FMNL2: variants seen among roughly 807,000 people sequenced by gnomAD.
The protein encoded by FMNL2 is formin-like protein 2.
A neutral mutation model predicts 130.2 loss-of-function variants in FMNL2; 51 were observed. The observed-to-expected ratio is 0.39, with a 90% CI of 0.31 to 0.49. The LOEUF (loss-of-function observed/expected upper bound fraction) is 0.49, where lower values mean the gene tolerates loss of function less well. Ranked by LOEUF, FMNL2 falls within the 20% of genes least tolerant of loss-of-function variation. The pLI is 0.85. For missense variants in FMNL2, 977 were observed against 1,316.2 expected (o/e 0.74, Z 3.99); for synonymous variants, 465 against 467.1 (o/e 1.00, Z 0.06).
chr2:152,461,032 G>A (rs1388303831), intron 1 of FMNL2, among the ~76,000 whole-genome samples: 1 of 152,110 alleles, frequency 6.6e-6, no homozygotes, highest in Non-Finnish European at 1.5e-5. Context: ...CCACGAAACC[G>A]GTCCCTGGTT....
At chr2:152,520,741 T>G (rs1349970129) in intron 1 of FMNL2, among the ~76,000 whole-genome samples, 1 of 152,218 alleles carries the variant, frequency 6.6e-6, no homozygotes, top group African/African-American at 2.4e-5. Context: ...TGGTTTAATT[T>G]ATCATAATCA....
In FMNL2 at chr2:152,483,949, A is replaced by G. The variant is rs79046897; in HGVS notation, c.118-37994A>G. Among the ~76,000 whole-genome samples, 1,140 of 152,330 alleles carry G rather than the reference A, an allele frequency of 7.5e-3. 9 individuals are homozygous for G. The highest frequency in any genetic ancestry group is 0.023 in the African/African-American group (939 of 41,572). ...CTAAGGAATGCAGTTTGCTTGAGCA[A>G]GACTCTTAAGATGTATTTGTATAGG... On this transcript the variant is annotated intron_variant, in intron 1 of 25. Transcript: ENST00000288670.
chr2:152,353,497 CTTTG>C (rs1682618839), intron 1 of FMNL2, among the ~76,000 whole-genome samples: 4 of 152,196 alleles, frequency 2.6e-5, no homozygotes, highest in African/African-American at 9.7e-5. Flanking sequence ...CCTATACTCA[CTTTG>C]TTAGAAAGCC....
chr2:152,375,871 C>CTATATATA (rs1296121653), intron 1 of FMNL2, among the ~76,000 whole-genome samples: 161 of 114,548 alleles, frequency 1.4e-3, no homozygotes, highest in African/African-American at 4.1e-3. Flanking sequence ...CTCTCTCTCT[C>CTATATATA]TCTCTCTATA....
chr2:152,335,799 T>G, intron 1 of FMNL2, 79 bp downstream of exon 1: 1 of 1,062,560 alleles, frequency 9.4e-7, no homozygotes, highest in Non-Finnish European at 1.3e-6. Flanking sequence ...CCCCTCCCCT[T>G]CACCCCGTGC....
chr2:152,644,323 A>C (rs1683352186), intron 25 of FMNL2, among the ~76,000 whole-genome samples: 3 of 152,246 alleles, frequency 2.0e-5, no homozygotes, highest in Admixed American at 6.5e-5. Flanking sequence ...TTGATAGCAT[A>C]ATCACCTGCC....
rs761093233 is a variant in FMNL2, at chr2:152,640,846, G to A, written c.3101G>A (p.Arg1034Lys). Residue 1034 changes from arginine to lysine, a missense_variant, in exon 25 of 26, where the codon AGA becomes AAA. Arg to Lys is a conservative substitution (Grantham distance 26). Coordinates refer to ENST00000288670, the MANE Select transcript of FMNL2 (RefSeq NM_052905.4). The part of the protein sequence containing the change: ...QQQELIAELR[R>K]RQVKDNRHVY... ...CAAGAGTTAATTGCAGAATTAAGAA[G>A]ACGACAAGTTAAAGATAACAGACAT... The A allele has an allele frequency of 1.2e-6, 2 of 1,613,812 alleles. No individual in the cohort carries two copies. Among genetic ancestry groups the A allele is most frequent in the South Asian group, 2.2e-5 (2 of 91,078 alleles).
intron 1 of FMNL2, chr2:152,390,327 G>C (rs1310200052): frequency 8.3e-7 from 1 of 1,203,800 alleles, no homozygotes. Flanking sequence ...GAAGGTAGGG[G>C]AGAGCTCGTG....
intron 11 of FMNL2, among the ~76,000 whole-genome samples, chr2:152,614,042 T>TA (rs1698820174): frequency 6.6e-6 from 1 of 152,164 alleles, no homozygotes; most frequent in South Asian, 2.1e-4. Context: ...CAATTTGTGC[T>TA]AAAATAATCC....
intron 3 of FMNL2, among the ~76,000 whole-genome samples, chr2:152,546,694 CGA>C (rs1558953310): frequency 6.6e-6 from 1 of 152,094 alleles, no homozygotes; most frequent in African/African-American, 2.4e-5. Context: ...GCAGGCAGCC[CGA>C]GACTTAGGAC....
At chr2:152,520,507 A>AGGG (rs1041619240) in intron 1 of FMNL2, among the ~76,000 whole-genome samples, 3 of 151,748 alleles carry the variant, frequency 2.0e-5, no homozygotes, top group African/African-American at 7.2e-5. Flanking sequence ...AGGCAGGACA[A>AGGG]TTGCTTGAAC....
At chr2:152,456,568 G>A (rs1375728011) in intron 1 of FMNL2, among the ~76,000 whole-genome samples, 1 of 152,176 alleles carries the variant, frequency 6.6e-6, no homozygotes, top group Non-Finnish European at 1.5e-5. Flanking sequence ...AATGTGATGT[G>A]CTGCTTGATT....
chr2:152,381,991 G>A (rs1181997272), intron 1 of FMNL2, among the ~76,000 whole-genome samples: 1 of 151,930 alleles, frequency 6.6e-6, no homozygotes, highest in Non-Finnish European at 1.5e-5. Context: ...TAGAGATGGG[G>A]TTTCACCATG....
chr2:152,352,267 G>A (rs1442333205), intron 1 of FMNL2, among the ~76,000 whole-genome samples: 1 of 152,172 alleles, frequency 6.6e-6, no homozygotes, highest in Admixed American at 6.5e-5. Flanking sequence ...GGTCACTTGT[G>A]TATTTCTTTA....
chr2:152,426,747 T>G (rs1441968588), intron 1 of FMNL2, among the ~76,000 whole-genome samples: 1 of 152,214 alleles, frequency 6.6e-6, no homozygotes, highest in East Asian at 1.9e-4. Context: ...TATGCAGTAC[T>G]TGGTATTTAG....
intron 25 of FMNL2, among the ~76,000 whole-genome samples, chr2:152,641,869 A>G (rs1311591514): frequency 6.6e-6 from 1 of 152,280 alleles, no homozygotes; most frequent in East Asian, 1.9e-4. Flanking sequence ...TTAATATCAA[A>G]TATCTAGTCA....
chr2:152,646,290 A>G (rs1218637475), intron 25 of FMNL2, among the ~76,000 whole-genome samples: 1 of 152,084 alleles, frequency 6.6e-6, no homozygotes, highest in African/African-American at 2.4e-5. Context: ...AGAGATCACC[A>G]CTACACTCGA....
At chr2:152,545,675 G>T (rs1288515452) in intron 3 of FMNL2, among the ~76,000 whole-genome samples, 1 of 152,188 alleles carries the variant, frequency 6.6e-6, no homozygotes, top group African/African-American at 2.4e-5. Flanking sequence ...GCTCATCCCA[G>T]GCCTCCCTTG....
chr2:152,553,124 C>T (rs1386489945), intron 4 of FMNL2, among the ~76,000 whole-genome samples: 1 of 152,144 alleles, frequency 6.6e-6, no homozygotes, highest in Non-Finnish European at 1.5e-5. Flanking sequence ...GATGTCTTCT[C>T]TCCTGCCCAC....
Sources: allele counts gnomAD v4.1 joint callset (sites outside exome capture counted in the v4.1 genomes callset), GRCh38; gene constraint gnomAD v4.1.1; transcripts MANE v1.5; gene names NCBI Gene and HGNC (gene_info 2026-07-23, HGNC 2026-07-21).